Variants in CELF2 observed in about 807,000 individuals in gnomAD.
CELF2 encodes the protein CUG triplet repeat RNA-binding protein 2.
A neutral mutation model predicts 62.6 loss-of-function variants in CELF2; 8 were observed. The ratio of observed to expected loss-of-function variants is 0.13; its 90% confidence interval spans 0.07 to 0.23. The LOEUF is 0.23. Ranked by LOEUF, CELF2 falls within the 10% of genes least tolerant of loss-of-function variation. The probability of loss-of-function intolerance (pLI) is 1.00; values close to 1 mark genes in which losing one functional copy is unlikely to be tolerated. For missense variants in CELF2, 333 were observed against 671.0 expected (o/e 0.50, Z 5.56); for synonymous variants, 258 against 250.0 (o/e 1.03, Z -0.30).
chr10:10,815,041 A>G (rs2056320933), intron 1 of CELF2, among the ~76,000 whole-genome samples: 2 of 152,214 alleles, frequency 1.3e-5, no homozygotes, highest in Admixed American at 6.5e-5. Flanking sequence ...CTTGTCAAAG[A>G]GTGAGAATTA....
intron 1 of CELF2, among the ~76,000 whole-genome samples, chr10:11,061,386 G>T (rs1365016351): frequency 6.6e-6 from 1 of 152,238 alleles, no homozygotes; most frequent in Non-Finnish European, 1.5e-5. Flanking sequence ...GCTAGCAGAG[G>T]TTGGGTGATG....
At chr10:11,018,214 A>G in intron 1 of CELF2, 51 bp downstream of exon 1, 3 of 1,460,132 alleles carry the variant, frequency 2.1e-6, no homozygotes, top group Non-Finnish European at 2.8e-6. Context: ...CTCCTCCCAG[A>G]GTCGGCGGCG....
the CELF2 span, among the ~76,000 whole-genome samples, chr10:10,501,430 T>C: frequency 1.3e-5 from 2 of 152,228 alleles, no homozygotes; most frequent in Non-Finnish European, 2.9e-5. Context: ...TCCTGTCTTT[T>C]GCCCACTTTA....
chr10:11,166,576 T>C (rs1213577524), intron 2 of CELF2, among the ~76,000 whole-genome samples: 2 of 152,238 alleles, frequency 1.3e-5, no homozygotes, highest in African/African-American at 4.8e-5. Context: ...CTTTCTCTGT[T>C]GTTGATCTCT....
chr10:11,323,874 A>C (rs753414258), intron 11 of CELF2, among the ~76,000 whole-genome samples: 3 of 152,092 alleles, frequency 2.0e-5, no homozygotes, highest in African/African-American at 4.8e-5. Flanking sequence ...TTTCCTCTTC[A>C]TCTCAGCCAC....
intron 2 of CELF2, among the ~76,000 whole-genome samples, chr10:10,927,442 T>A (rs896680814): frequency 6.6e-5 from 10 of 152,018 alleles, no homozygotes; most frequent in African/African-American, 1.7e-4. Context: ...TTATTTATTT[T>A]TTTTGAAATG....
At chr10:10,557,324 C>G in the CELF2 span, among the ~76,000 whole-genome samples, 15 of 151,636 alleles carry the variant, frequency 9.9e-5, no homozygotes, top group African/African-American at 2.4e-4. Flanking sequence ...TCTCAGGTTT[C>G]TCAAAGATCA....
the CELF2 span, among the ~76,000 whole-genome samples, chr10:10,712,236 A>G: frequency 2.0e-5 from 3 of 151,568 alleles, no homozygotes; most frequent in South Asian, 6.3e-4. Flanking sequence ...TGAGGCTTAC[A>G]TGATAGATCA....
At position 10,903,586 on chromosome 10, in the gene CELF2, T is replaced by C. The variant is rs182752908; in HGVS notation, c.54-16378T>C. Among the ~76,000 whole-genome samples the C allele has an allele frequency of 2.4e-3, 360 of 152,286 alleles. 2 individuals are homozygous for C. Among genetic ancestry groups the C allele is most frequent in the African/African-American group, 8.0e-3 (333 of 41,562 alleles). On this transcript the variant is annotated intron_variant, in intron 1 of 13. Coordinates refer to the CELF2 transcript ENST00000636488. Reference sequence around the variant, plus strand: ...TAAAGATGAGTCAATGTGTAAAAATTGACTCCGTACATATTTCAGGAATCC... The same window carrying C: ...TAAAGATGAGTCAATGTGTAAAAATCGACTCCGTACATATTTCAGGAATCC...
At chr10:11,086,869 C>T (rs59152524) in intron 1 of CELF2, among the ~76,000 whole-genome samples, 34,159 of 151,870 alleles carry the variant, frequency 0.22, 4,217 homozygotes, top group Middle Eastern at 0.29. Flanking sequence ...TTCTTGCTTT[C>T]TTAAAGGGAC....
chr10:10,775,666 G>A, the CELF2 span, among the ~76,000 whole-genome samples: 1 of 151,974 alleles, frequency 6.6e-6, no homozygotes. Context: ...CAGACCAGGA[G>A]GCAGAGCATC....
intron 9 of CELF2, among the ~76,000 whole-genome samples, chr10:11,289,850 A>T (rs2092221223): frequency 6.6e-6 from 1 of 152,240 alleles, no homozygotes; most frequent in South Asian, 2.1e-4. Context: ...CATTTTTAAC[A>T]TGATAGATTT....
chr10:11,192,472 C>T (rs2076490669), intron 2 of CELF2, among the ~76,000 whole-genome samples: 1 of 152,238 alleles, frequency 6.6e-6, no homozygotes, highest in South Asian at 2.1e-4. Flanking sequence ...AGAGGGGAGA[C>T]CACAGCGTCA....
At chr10:10,811,379 A>C (rs1047459936) in intron 1 of CELF2, among the ~76,000 whole-genome samples, 1 of 152,122 alleles carries the variant, frequency 6.6e-6, no homozygotes, top group African/African-American at 2.4e-5. Context: ...AGTGCCATAG[A>C]GTCAGGAAGT....
chr10:10,663,541 G>A, the CELF2 span, among the ~76,000 whole-genome samples: 1 of 152,190 alleles, frequency 6.6e-6, no homozygotes, highest in African/African-American at 2.4e-5. Context: ...TAGCTAAACC[G>A]AGGTGAAAAC....
At chr10:11,026,723 C>T (rs968133703) in intron 1 of CELF2, among the ~76,000 whole-genome samples, 8 of 152,088 alleles carry the variant, frequency 5.3e-5, no homozygotes, top group African/African-American at 1.9e-4. Flanking sequence ...CCGTTTTATC[C>T]TTTTCCTGAG....
At chr10:11,174,539 G>A (rs1467566011) in intron 2 of CELF2, among the ~76,000 whole-genome samples, 1 of 152,142 alleles carries the variant, frequency 6.6e-6, no homozygotes, top group Non-Finnish European at 1.5e-5. Context: ...GAAGAATAAA[G>A]GAATATAATT....
At chr10:10,774,992 C>A in the CELF2 span, among the ~76,000 whole-genome samples, 1 of 151,994 alleles carries the variant, frequency 6.6e-6, no homozygotes, top group African/African-American at 2.4e-5. Context: ...AATTCTCCTG[C>A]CTCAGCCTCC....
At chr10:11,273,167 A>G (rs929242347) in intron 7 of CELF2, among the ~76,000 whole-genome samples, 36 of 151,922 alleles carry the variant, frequency 2.4e-4, no homozygotes, top group Non-Finnish European at 1.0e-4. Context: ...GTCCCATAAT[A>G]CCGTCGTACC....
Sources: allele counts gnomAD v4.1 joint callset (sites outside exome capture counted in the v4.1 genomes callset), GRCh38; gene constraint gnomAD v4.1.1; transcripts MANE v1.5; gene names NCBI Gene and HGNC (gene_info 2026-07-23, HGNC 2026-07-21).